Variants in UBE3D observed in about 807,000 individuals in gnomAD.
UBE3D encodes E3 ubiquitin-protein ligase E3D.
A neutral mutation model predicts 49.6 loss-of-function variants in UBE3D; 48 were observed. That is an observed-to-expected ratio of 0.97 (90% confidence interval 0.77 to 1.23). The LOEUF (loss-of-function observed/expected upper bound fraction) is 1.23. Ranked by LOEUF, UBE3D falls within the 50% of genes most tolerant of loss-of-function variation. The pLI, the probability that UBE3D is intolerant of heterozygous loss-of-function variation, is 0.00. For missense variants in UBE3D, 452 were observed against 468.4 expected, an observed-to-expected ratio of 0.96 and a Z score of 0.32; for synonymous variants, 189 against 174.2, an observed-to-expected ratio of 1.08 and a Z score of -0.67.
chr6:83,027,368 G>C (rs1404741746), intron 5 of UBE3D, among the ~76,000 whole-genome samples: 1 of 141,530 alleles, frequency 7.1e-6, no homozygotes, highest in Non-Finnish European at 1.5e-5. Context: ...CCCAGGAGGC[G>C]GAGGTTGCAG....
intron 9 of UBE3D, among the ~76,000 whole-genome samples, chr6:82,939,002 G>A (rs967665463): frequency 1.3e-5 from 2 of 151,628 alleles, no homozygotes; most frequent in South Asian, 2.1e-4. Flanking sequence ...AGCTACGATC[G>A]TGCTACTACA....
chr6:83,039,874 T>A (rs1782532864), intron 4 of UBE3D, among the ~76,000 whole-genome samples: 1 of 152,042 alleles, frequency 6.6e-6, no homozygotes, highest in Non-Finnish European at 1.5e-5. Flanking sequence ...ACTCCTGACC[T>A]CGTGATCCAC....
chr6:83,028,385 C>A lies in UBE3D; in HGVS notation c.668-4347G>T, dbSNP rs1781632577. The stretch of plus-strand genomic sequence containing the variant: ...TTACAAAGGTGATTTTGCCAGGCAC[C>A]TGGCAAATGTCTAGAACAAGGTGAA... On this transcript the variant is annotated intron_variant, in intron 5 of 9. Coordinates refer to ENST00000369747, the MANE Select transcript of UBE3D (RefSeq NM_198920.3). Among the ~76,000 whole-genome samples, 3 of 152,088 alleles carry A rather than the reference C, an allele frequency of 2.0e-5. No individual in the cohort carries two copies. The South Asian group carries it at 6.2e-4, about 32-fold the overall frequency.
chr6:82,882,943 A>T, the UBE3D span, among the ~76,000 whole-genome samples: 1 of 152,160 alleles, frequency 6.6e-6, no homozygotes, highest in South Asian at 2.1e-4. Context: ...TAACTAGACA[A>T]TAAATTTCTG....
At chr6:82,881,766 A>G in the UBE3D span, among the ~76,000 whole-genome samples, 1 of 152,180 alleles carries the variant, frequency 6.6e-6, no homozygotes, top group African/African-American at 2.4e-5. Context: ...GAATCACATA[A>G]TATTTCTGCC....
intron 5 of UBE3D, among the ~76,000 whole-genome samples, chr6:83,034,028 A>C (rs531886029): frequency 1.3e-5 from 2 of 152,340 alleles, no homozygotes; most frequent in East Asian, 3.9e-4. Context: ...TCCACTACTT[A>C]AATAGTTCTC....
intron 8 of UBE3D, among the ~76,000 whole-genome samples, chr6:82,963,188 A>G (rs1690606187): frequency 2.1e-5 from 3 of 144,844 alleles, no homozygotes; most frequent in African/African-American, 7.7e-5. Flanking sequence ...TAAAGTTTTC[A>G]TCTTTTTTTT....
At chr6:83,035,620 C>A (rs1168776652) in intron 5 of UBE3D, among the ~76,000 whole-genome samples, 1 of 152,072 alleles carries the variant, frequency 6.6e-6, no homozygotes, top group Non-Finnish European at 1.5e-5. Context: ...TGCCTTTTTC[C>A]CTCTGCAAAC....
downstream of UBE3D, among the ~76,000 whole-genome samples, chr6:82,887,650 G>A (rs1474954315): frequency 6.6e-6 from 1 of 151,206 alleles, no homozygotes; most frequent in Non-Finnish European, 1.5e-5. Context: ...TGGAGGTTGC[G>A]GTGAGCGAAG....
intron 9 of UBE3D, among the ~76,000 whole-genome samples, chr6:82,955,362 C>T (rs1776088174): frequency 6.6e-6 from 1 of 152,124 alleles, no homozygotes; most frequent in South Asian, 2.1e-4. Context: ...CCCAATACGC[C>T]GTAAAATCCT....
intron 8 of UBE3D, among the ~76,000 whole-genome samples, chr6:83,006,794 T>C (rs1431877717): frequency 2.0e-5 from 3 of 152,098 alleles, no homozygotes; most frequent in Admixed American, 6.6e-5. Context: ...TTAATGAGTA[T>C]GGAGTTTCAG....
chr6:82,943,045 G>A (rs771150320), intron 9 of UBE3D, among the ~76,000 whole-genome samples: 14 of 152,222 alleles, frequency 9.2e-5, no homozygotes, highest in Non-Finnish European at 1.5e-4. Flanking sequence ...CCAAAGCATC[G>A]GAGCTCACCT....
chr6:83,028,611 T>G (rs1216715065), intron 5 of UBE3D, among the ~76,000 whole-genome samples: 4 of 152,204 alleles, frequency 2.6e-5, no homozygotes, highest in African/African-American at 9.6e-5. Context: ...TTTTAGAGAA[T>G]GGGCAAACTG....
chr6:83,013,943 T>G (rs893179828), intron 8 of UBE3D, among the ~76,000 whole-genome samples: 1 of 152,130 alleles, frequency 6.6e-6, no homozygotes, highest in Non-Finnish European at 1.5e-5. Flanking sequence ...AGACGGAGAG[T>G]TGATATACCC....
chr6:83,060,839 G>A (rs1784126767), intron 1 of UBE3D, among the ~76,000 whole-genome samples: 3 of 152,038 alleles, frequency 2.0e-5, no homozygotes, highest in Admixed American at 1.3e-4. Context: ...GTAGCCCATT[G>A]AATAAAATAA....
intron 8 of UBE3D, among the ~76,000 whole-genome samples, chr6:82,963,328 T>C (rs866329830): frequency 6.6e-6 from 1 of 152,134 alleles, no homozygotes; most frequent in Non-Finnish European, 1.5e-5. Flanking sequence ...AGGACATATG[T>C]TGATAAAGCC....
chr6:82,968,401 C>G (rs1777106006), intron 8 of UBE3D, among the ~76,000 whole-genome samples: 1 of 143,884 alleles, frequency 7.0e-6, no homozygotes, highest in African/African-American at 2.5e-5. Context: ...ACTAATAATT[C>G]ACTCTCTTTA....
At chr6:82,950,987 G>T (rs1775751299) in intron 9 of UBE3D, among the ~76,000 whole-genome samples, 2 of 151,256 alleles carry the variant, frequency 1.3e-5, no homozygotes, top group African/African-American at 4.9e-5. Flanking sequence ...GGGAAGTGGG[G>T]ATGACTAATG....
chr6:82,956,477 CAAAT>C (rs949922401), intron 9 of UBE3D, among the ~76,000 whole-genome samples: 1 of 152,018 alleles, frequency 6.6e-6, no homozygotes, highest in African/African-American at 2.4e-5. Flanking sequence ...ACTAGGAGAA[CAAAT>C]AAATATCAAG....
Sources: gnomAD v4.1 joint callset for allele counts (sites outside exome capture counted in the v4.1 genomes callset) on GRCh38, gnomAD v4.1.1 for gene constraint, MANE v1.5 for transcripts, NCBI Gene and HGNC (gene_info 2026-07-23, HGNC 2026-07-21) for gene names.